Variants in UNC13C observed in about 807,000 individuals in gnomAD.
The protein encoded by UNC13C is protein unc-13 homolog C.
UNC13C carries 174 observed loss-of-function variants against 245.4 expected under a neutral mutation model. That is an observed-to-expected ratio of 0.71 (90% CI 0.63 to 0.80). The LOEUF (loss-of-function observed/expected upper bound fraction) is 0.80, where lower values mean the gene tolerates loss of function less well. Ranked by LOEUF, UNC13C falls within the 30% of genes least tolerant of loss-of-function variation. The pLI is 0.00. For synonymous variants in UNC13C, 992 were observed against 895.1 expected (o/e 1.11, Z -1.93); for missense variants, 2,829 against 2,602.9 (o/e 1.09, Z -1.89).
chr15:54,014,275 T>A lies in UNC13C; in HGVS notation c.1372T>A (p.Ser458Thr). Residue 458 changes from serine (S) to threonine (T), a missense_variant, in exon 2 of 33, where the codon TCT (serine) becomes ACT (threonine). Ser to Thr is a moderately conservative substitution (Grantham distance 58, BLOSUM62 1). Coordinates refer to ENST00000260323, the MANE Select transcript of UNC13C (RefSeq NM_001080534.3). ...SPDDSDEDLE[S>T]DLNRNSYAVL... ...TGATGACAGTGATGAAGATCTTGAA[T>A]CTGACCTCAATAGAAACAGTTACGC... is the stretch of plus-strand genomic sequence containing the variant. 1.9e-6 allele frequency: 3 copies of A among 1,613,918 alleles called. No homozygotes were observed. Among genetic ancestry groups the A allele is most frequent in the Non-Finnish European group, 2.5e-6 (3 of 1,179,844 alleles).
At chr15:53,945,006 A>T in the UNC13C span, among the ~76,000 whole-genome samples, 1 of 152,122 alleles carries the variant, frequency 6.6e-6, no homozygotes, top group African/African-American at 2.4e-5. Flanking sequence ...GCATTTCTGT[A>T]ATGATTGGTG....
intron 7 of UNC13C, among the ~76,000 whole-genome samples, chr15:54,241,558 T>G (rs16974361): frequency 0.051 from 7,714 of 152,262 alleles, 649 homozygotes; most frequent in African/African-American, 0.18. Context: ...TCACTAGCTT[T>G]GACTACTTGT....
At chr15:54,049,419 A>G (rs1897179750) in intron 2 of UNC13C, 1 of 501,032 alleles carries the variant, frequency 2.0e-6, no homozygotes, top group Non-Finnish European at 4.1e-6. Flanking sequence ...TAATTGGTGT[A>G]TTCCAGTTCT....
intron 19 of UNC13C, among the ~76,000 whole-genome samples, chr15:54,493,550 G>A (rs1441668342): frequency 1.3e-5 from 2 of 152,042 alleles, no homozygotes; most frequent in Non-Finnish European, 2.9e-5. Context: ...AAGCAGGGAT[G>A]CCTTTAATTT....
At chr15:54,588,662 C>G (rs528698693) in intron 30 of UNC13C, among the ~76,000 whole-genome samples, 1 of 152,158 alleles carries the variant, frequency 6.6e-6, no homozygotes, top group Admixed American at 6.5e-5. Context: ...CCCAAGTTCC[C>G]GAAGTCCATT....
intron 2 of UNC13C, among the ~76,000 whole-genome samples, chr15:54,085,936 T>C (rs1049188919): frequency 2.6e-5 from 4 of 152,230 alleles, no homozygotes; most frequent in Admixed American, 1.3e-4. Context: ...TGGCCCCTCC[T>C]TTTATTTTAG....
chr15:54,181,729 G>A (rs1199785347), intron 4 of UNC13C, among the ~76,000 whole-genome samples: 4 of 151,778 alleles, frequency 2.6e-5, no homozygotes, highest in Non-Finnish European at 4.4e-5. Flanking sequence ...TCTTTTAGTA[G>A]CATTTTGTAG....
chr15:54,049,395 T>C, intron 2 of UNC13C: 2 of 512,682 alleles, frequency 3.9e-6, no homozygotes, highest in South Asian at 2.9e-5. Flanking sequence ...CAGTTCCTTC[T>C]TTGAGATCAA....
chr15:54,356,701 C>CTA, intron 17 of UNC13C, among the ~76,000 whole-genome samples: 1 of 152,184 alleles, frequency 6.6e-6, no homozygotes, highest in East Asian at 1.9e-4. Flanking sequence ...ACTATTAATC[C>CTA]TATCACATTG....
chr15:53,846,578 ATT>A, the UNC13C span, among the ~76,000 whole-genome samples: 3 of 152,162 alleles, frequency 2.0e-5, no homozygotes, highest in Non-Finnish European at 4.4e-5. Flanking sequence ...AATTAAATAA[ATT>A]TTTGTAGGCT....
intron 4 of UNC13C, among the ~76,000 whole-genome samples, chr15:54,180,807 G>A (rs1036201214): frequency 1.1e-4 from 17 of 151,232 alleles, no homozygotes; most frequent in African/African-American, 4.1e-4. Flanking sequence ...AGAATGGTCT[G>A]CTCGTATCTT....
chr15:54,235,261 T>C (rs1277577530), intron 5 of UNC13C, 153 bp downstream of exon 5: 1 of 573,284 alleles, frequency 1.7e-6, no homozygotes, highest in Non-Finnish European at 3.0e-6. Context: ...TATTTATTAT[T>C]ATTTCTTTAA....
chr15:54,006,840 T>G (rs1028991769), intron 1 of UNC13C, among the ~76,000 whole-genome samples: 2 of 152,188 alleles, frequency 1.3e-5, no homozygotes, highest in African/African-American at 2.4e-5. Context: ...CTGGTTTTCT[T>G]CTTTGCTGTG....
At chr15:54,339,765 CT>C (rs1317040887) in intron 17 of UNC13C, among the ~76,000 whole-genome samples, 1 of 152,028 alleles carries the variant, frequency 6.6e-6, no homozygotes, top group Non-Finnish European at 1.5e-5. Context: ...GTGCAAGTAT[CT>C]TTTTTGTGCA....
chr15:54,491,880 A>G (rs189986475), intron 19 of UNC13C, among the ~76,000 whole-genome samples: 7 of 151,834 alleles, frequency 4.6e-5, no homozygotes, highest in South Asian at 2.1e-4. Context: ...AGTCCCAGCT[A>G]TTCGGAGAGG....
At chr15:54,027,457 C>A (rs1896162042) in intron 2 of UNC13C, among the ~76,000 whole-genome samples, 1 of 152,134 alleles carries the variant, frequency 6.6e-6, no homozygotes, top group African/African-American at 2.4e-5. Flanking sequence ...CAACCTCCAC[C>A]CCTCCGGATT....
the UNC13C span, among the ~76,000 whole-genome samples, chr15:53,929,358 T>C: frequency 2.0e-5 from 3 of 152,216 alleles, no homozygotes; most frequent in Non-Finnish European, 4.4e-5. Flanking sequence ...AGCCAAACCA[T>C]ATCATTTTTA....
At chr15:53,992,732 G>A (rs1226666984) in intron 1 of UNC13C, among the ~76,000 whole-genome samples, 1 of 152,076 alleles carries the variant, frequency 6.6e-6, no homozygotes, top group Non-Finnish European at 1.5e-5. Flanking sequence ...TTCTGAATCT[G>A]TGGCAAGAGG....
At chr15:54,511,645 T>G in intron 23 of UNC13C, 108 bp from the exon 24 acceptor site, 1 of 723,298 alleles carries the variant, frequency 1.4e-6, no homozygotes, top group Non-Finnish European at 2.3e-6. Flanking sequence ...ATACATCTAA[T>G]ATAATAGGAA....
Sources: allele counts gnomAD v4.1 joint callset (sites outside exome capture counted in the v4.1 genomes callset), GRCh38; gene constraint gnomAD v4.1.1; transcripts MANE v1.5; gene names NCBI Gene and HGNC (gene_info 2026-07-23, HGNC 2026-07-21).